SPAG6: variants seen among roughly 807,000 people sequenced by gnomAD.
The protein encoded by SPAG6 is sperm-associated antigen 6.
In SPAG6, 49 loss-of-function variants were observed where a neutral mutation model predicts 58.5. That is an observed-to-expected ratio of 0.84 (90% CI 0.67 to 1.06). The LOEUF (loss-of-function observed/expected upper bound fraction) is 1.06. SPAG6 is among the 50% of genes least tolerant of loss of function. SPAG6 has a pLI of 0.00. For synonymous variants in SPAG6, 233 were observed against 225.6 expected, an observed-to-expected ratio of 1.03 and a Z score of -0.29; for missense variants, 560 against 611.3, an observed-to-expected ratio of 0.92 and a Z score of 0.89.
chr10:22,391,966 A>T, intron 8 of SPAG6, 46 bp downstream of exon 8: 1 of 1,268,268 alleles, frequency 7.9e-7, no homozygotes, highest in Non-Finnish European at 1.1e-6. Context: ...TCATTTAAAA[A>T]ATATGTCATT....
At chr10:22,411,224 C>A (rs1476287391) in intron 10 of SPAG6, 48 bp downstream of exon 10, 2 of 1,520,138 alleles carry the variant, frequency 1.3e-6, no homozygotes, top group Non-Finnish European at 1.8e-6. Flanking sequence ...TGTAGTTTTT[C>A]TGTTTTCACA....
chr10:22,346,500 C>CTTCT (rs1836557771), intron 2 of SPAG6, among the ~76,000 whole-genome samples: 15 of 111,122 alleles, frequency 1.3e-4, no homozygotes, highest in African/African-American at 4.2e-4. Context: ...CTTCTTCTTT[C>CTTCT]TTCTTCTTCT....
chr10:22,361,868 C>A (rs888817812), intron 2 of SPAG6, among the ~76,000 whole-genome samples: 6 of 151,266 alleles, frequency 4.0e-5, no homozygotes, highest in African/African-American at 7.3e-5. Flanking sequence ...TTATTTCATT[C>A]TTAAATCCTT....
chr10:22,385,593 T>C (rs1408161183), intron 4 of SPAG6, among the ~76,000 whole-genome samples: 1 of 152,198 alleles, frequency 6.6e-6, no homozygotes, highest in African/African-American at 2.4e-5. Flanking sequence ...AATGGAAGAA[T>C]GAATGAACTG....
At chr10:22,412,366 G>C (rs1303220684) in intron 10 of SPAG6, 1 of 733,004 alleles carries the variant, frequency 1.4e-6, no homozygotes, top group African/African-American at 1.8e-5. Flanking sequence ...TGTTTAATAC[G>C]TATGGTAACA....
intron 3 of SPAG6, among the ~76,000 whole-genome samples, chr10:22,367,949 C>T (rs1407833783): frequency 6.6e-6 from 1 of 151,916 alleles, no homozygotes; most frequent in Non-Finnish European, 1.5e-5. Flanking sequence ...GAATGTTTTG[C>T]CTTTATGTTT....
At position 22,391,755 on chromosome 10, in the gene SPAG6, G is replaced by T. The variant is rs755494078; in HGVS notation, c.1032G>T (p.Leu344Phe). ...SKGVPQLSVC[L>F]SEEPEDHIKA... is the part of the protein sequence containing the mutation. ...GTGTACCCCAGTTGTCAGTCTGCTTGTCAGAAGAACCGGAAGATCATATTA... is the reference window on the plus strand; with the variant it reads ...GTGTACCCCAGTTGTCAGTCTGCTTTTCAGAAGAACCGGAAGATCATATTA... The change falls in exon 8 of 11, where the codon TTG becomes TTT. Residue 344 changes from leucine (L) to phenylalanine (F), a missense_variant. Coordinates refer to ENST00000376624, the MANE Select transcript of SPAG6 (RefSeq NM_012443.4). 1 of 1,613,456 alleles carries T rather than the reference G, an allele frequency of 6.2e-7. No individual in the cohort carries two copies. Among genetic ancestry groups the T allele is most frequent in the East Asian group, 2.2e-5 (1 of 44,870 alleles).
At chr10:22,412,057 G>A (rs111936976) in intron 10 of SPAG6, among the ~76,000 whole-genome samples, 1 of 152,058 alleles carries the variant, frequency 6.6e-6, no homozygotes, top group Non-Finnish European at 1.5e-5. Flanking sequence ...CACCGTGTTA[G>A]CCAGGTTGGT....
intron 2 of SPAG6, among the ~76,000 whole-genome samples, chr10:22,362,137 T>C (rs1837062202): frequency 6.8e-6 from 1 of 146,068 alleles, no homozygotes; most frequent in Non-Finnish European, 1.5e-5. Flanking sequence ...TTTATATATT[T>C]ATTTTATGTA....
At chr10:22,397,625 G>A (rs573438204) in intron 8 of SPAG6, among the ~76,000 whole-genome samples, 1 of 152,138 alleles carries the variant, frequency 6.6e-6, no homozygotes, top group East Asian at 1.9e-4. Flanking sequence ...TCTCTCAATT[G>A]TATTTTCATG....
At chr10:22,389,111 A>AAGTT in intron 6 of SPAG6, 49 bp from the exon 7 acceptor site, 1 of 1,553,868 alleles carries the variant, frequency 6.4e-7, no homozygotes. Flanking sequence ...ACTGTATTTA[A>AAGTT]AGACCATCAT....
chr10:22,367,199 A>G (rs1837224810), intron 3 of SPAG6, among the ~76,000 whole-genome samples: 1 of 152,118 alleles, frequency 6.6e-6, no homozygotes, highest in Admixed American at 6.6e-5. Flanking sequence ...TAAAAAGTCA[A>G]GTTAGCTAAG....
At chr10:22,399,522 A>G (rs1293232047) in intron 8 of SPAG6, among the ~76,000 whole-genome samples, 1 of 152,234 alleles carries the variant, frequency 6.6e-6, no homozygotes, top group Non-Finnish European at 1.5e-5. Context: ...ATAGACATGC[A>G]AAGAAAGTCT....
Position 22,346,000 on chromosome 10 carries a change from T to G in SPAG6, c.121+182T>G, listed in dbSNP as rs151302258. 1.0e-3 allele frequency: 1,576 copies of G among 1,547,890 alleles called. 16 individuals carry two copies. In the African/African-American group the frequency reaches 0.017, roughly 16 times the overall value. Reference sequence around the variant, plus strand: ...CCGAGAGGGTGAAGCTTCCAGATGGTTGTGGGAGGTGCGCGTTGTCCCTGT... The same window carrying G: ...CCGAGAGGGTGAAGCTTCCAGATGGGTGTGGGAGGTGCGCGTTGTCCCTGT... On this transcript the variant is annotated intron_variant, in intron 2 of 10. Coordinates refer to ENST00000376624, the MANE Select transcript of SPAG6 (RefSeq NM_012443.4). The surrounding 1 kb of genome is among the most constrained non-coding windows in gnomAD (Gnocchi z 6.3).
intron 4 of SPAG6, among the ~76,000 whole-genome samples, chr10:22,382,849 A>G (rs1421151922): frequency 1.3e-5 from 2 of 152,198 alleles, no homozygotes; most frequent in African/African-American, 4.8e-5. Flanking sequence ...TTACTTTTTT[A>G]AAACTCATAT....
At chr10:22,394,968 C>T (rs147102387) in intron 8 of SPAG6, among the ~76,000 whole-genome samples, 1 of 152,122 alleles carries the variant, frequency 6.6e-6, no homozygotes, top group Admixed American at 6.5e-5. Context: ...CCTTGACCTC[C>T]CAAAGCACTG....
chr10:22,415,073 G>C (rs1834836815), intron 10 of SPAG6, among the ~76,000 whole-genome samples: 1 of 152,080 alleles, frequency 6.6e-6, no homozygotes, highest in Admixed American at 6.5e-5. Flanking sequence ...GCCCATACCA[G>C]CCATTTTTCT....
Position 22,416,290 on chromosome 10 carries a change from C to T in SPAG6, c.1461-329C>T, listed in dbSNP as rs116635730. 9.2e-3 allele frequency among the ~76,000 whole-genome samples: 1,406 copies of T among 152,122 alleles called. 13 individuals carry two copies. The highest frequency in any genetic ancestry group is 0.032 in the African/African-American group (1,310 of 41,520). ...CTATTAGCTAGGATCCTTAAAGCAA[C>T]ATTAGCCACTTGATGTGATTAAAAT... On this transcript the variant is annotated intron_variant, in intron 10 of 10. Transcript: ENST00000376624.
intron 8 of SPAG6, among the ~76,000 whole-genome samples, chr10:22,395,286 A>G (rs72814843): frequency 0.01 from 1,594 of 152,326 alleles, 12 homozygotes; most frequent in Non-Finnish European, 0.016. Context: ...TGCTGGGTCA[A>G]TAGATAACTC....
Sources: gnomAD v4.1 joint callset for allele counts (sites outside exome capture counted in the v4.1 genomes callset) on GRCh38, gnomAD v4.1.1 for gene constraint, Gnocchi (gnomAD v3.1) non-coding constraint, MANE v1.5 for transcripts, NCBI Gene and HGNC (gene_info 2026-07-23, HGNC 2026-07-21) for gene names.